HPSE2: variants seen among roughly 807,000 people sequenced by gnomAD.
The protein encoded by HPSE2 is heparanase 2 (inactive).
Under a neutral mutation model 60.5 loss-of-function variants are expected in HPSE2, and 38 were observed. That is an observed-to-expected ratio of 0.63 (90% CI 0.48 to 0.82). HPSE2 has a LOEUF of 0.82. Ranked by LOEUF, HPSE2 falls within the 40% of genes least tolerant of loss-of-function variation. The probability of loss-of-function intolerance (pLI) is 0.00; values close to 1 mark genes in which losing one functional copy is unlikely to be tolerated. For synonymous variants in HPSE2, 295 were observed against 293.2 expected, an observed-to-expected ratio of 1.01 and a Z score of -0.06; for missense variants, 713 against 740.4, an observed-to-expected ratio of 0.96 and a Z score of 0.43.
At chr10:99,093,235 A>G (rs930515520) in intron 3 of HPSE2, among the ~76,000 whole-genome samples, 2 of 152,108 alleles carry the variant, frequency 1.3e-5, no homozygotes, top group African/African-American at 4.8e-5. Context: ...TTCAAAAAAA[A>G]AAGTATCGCC....
intron 3 of HPSE2, among the ~76,000 whole-genome samples, chr10:98,983,461 A>G (rs1956256694): frequency 6.6e-6 from 1 of 152,250 alleles, no homozygotes; most frequent in South Asian, 2.1e-4. Context: ...ATCTCGGGAT[A>G]TTCCACTTTG....
At chr10:98,955,181 T>C (rs1170677539) in intron 3 of HPSE2, among the ~76,000 whole-genome samples, 3 of 151,882 alleles carry the variant, frequency 2.0e-5, no homozygotes, top group African/African-American at 7.2e-5. Context: ...ACCTACAGAA[T>C]AGGAGAAATT....
At chr10:99,025,578 T>C (rs1441715532) in intron 3 of HPSE2, among the ~76,000 whole-genome samples, 1 of 152,062 alleles carries the variant, frequency 6.6e-6, no homozygotes, top group African/African-American at 2.4e-5. Flanking sequence ...GAGGCTACAA[T>C]CCCTAGCAAA....
chr10:99,261,631 A>G, the HPSE2 span, among the ~76,000 whole-genome samples: 192 of 152,186 alleles, frequency 1.3e-3, no homozygotes, highest in African/African-American at 4.4e-3. Flanking sequence ...TTATTACCCA[A>G]TCCGCTCCTG....
intron 11 of HPSE2, among the ~76,000 whole-genome samples, chr10:98,467,430 T>C (rs1315050100): frequency 3.3e-5 from 5 of 152,110 alleles, no homozygotes; most frequent in Non-Finnish European, 5.9e-5. Context: ...TGTGCAGGTC[T>C]AGGTATGTGA....
intron 3 of HPSE2, among the ~76,000 whole-genome samples, chr10:98,862,437 T>G (rs926112602): frequency 6.6e-6 from 1 of 152,188 alleles, no homozygotes; most frequent in Non-Finnish European, 1.5e-5. Context: ...CTCTCTGATA[T>G]GTACAGTGGC....
the HPSE2 span, among the ~76,000 whole-genome samples, chr10:99,256,947 A>C: frequency 6.6e-6 from 1 of 152,202 alleles, no homozygotes; most frequent in South Asian, 2.1e-4. Flanking sequence ...AATAACGTGG[A>C]TTGTGAAGAT....
chr10:98,603,679 T>C (rs1945498767), intron 9 of HPSE2, among the ~76,000 whole-genome samples: 1 of 152,008 alleles, frequency 6.6e-6, no homozygotes, highest in African/African-American at 2.4e-5. Flanking sequence ...CTGCCCACCT[T>C]GGCCTCCCAA....
chr10:99,121,213 C>T (rs1166856437), intron 3 of HPSE2, among the ~76,000 whole-genome samples: 3 of 152,084 alleles, frequency 2.0e-5, no homozygotes, highest in African/African-American at 4.8e-5. Flanking sequence ...ATACTGCATG[C>T]TCTCACTTAC....
the HPSE2 span, among the ~76,000 whole-genome samples, chr10:99,263,288 T>C: frequency 0.88 from 133,266 of 152,154 alleles, 58,562 homozygotes; most frequent in African/African-American, 0.94. Flanking sequence ...GCTCTGCCCC[T>C]CTCCACTACC....
At chr10:98,727,090 A>T (rs1452054894) in intron 4 of HPSE2, among the ~76,000 whole-genome samples, 2 of 152,170 alleles carry the variant, frequency 1.3e-5, no homozygotes, top group East Asian at 3.8e-4. Context: ...ATGATTAAGA[A>T]ATAAAAAAAC....
chr10:98,699,974 T>C (rs1251695200), intron 5 of HPSE2, among the ~76,000 whole-genome samples: 2 of 147,738 alleles, frequency 1.4e-5, no homozygotes, highest in Non-Finnish European at 3.0e-5. Flanking sequence ...TACAAACCAC[T>C]GCTCAGTGAA....
At chr10:98,690,825 T>G (rs1322698619) in intron 6 of HPSE2, among the ~76,000 whole-genome samples, 1 of 152,210 alleles carries the variant, frequency 6.6e-6, no homozygotes, top group Non-Finnish European at 1.5e-5. Flanking sequence ...GGACCAATTA[T>G]TAAGTCATAT....
intron 2 of HPSE2, among the ~76,000 whole-genome samples, chr10:99,210,553 A>T (rs1311092762): frequency 6.6e-6 from 1 of 152,250 alleles, no homozygotes; most frequent in Non-Finnish European, 1.5e-5. Context: ...TCAACAGCAC[A>T]TTAAGAGAAT....
chr10:99,298,760 T>C, the HPSE2 span, among the ~76,000 whole-genome samples: 132,934 of 151,418 alleles, frequency 0.88, 58,583 homozygotes, highest in African/African-American at 0.94. Context: ...CTGCAACCTC[T>C]GCCTTCCGGG....
At chr10:98,733,930 T>C (rs933111473) in intron 4 of HPSE2, among the ~76,000 whole-genome samples, 13 of 152,300 alleles carry the variant, frequency 8.5e-5, no homozygotes, top group African/African-American at 3.1e-4. Flanking sequence ...TTTCACACAG[T>C]TGTGCAACCA....
At chr10:99,169,218 G>T (rs1238866534) in intron 2 of HPSE2, among the ~76,000 whole-genome samples, 4 of 131,362 alleles carry the variant, frequency 3.0e-5, no homozygotes, top group Non-Finnish European at 4.8e-5. Context: ...AAAAAGTCCT[G>T]AGCCAGGCTG....
the HPSE2 span, among the ~76,000 whole-genome samples, chr10:99,295,065 A>G: frequency 6.6e-6 from 1 of 152,250 alleles, no homozygotes; most frequent in Non-Finnish European, 1.5e-5. Context: ...ATAATCTGTT[A>G]GATGAGAAAT....
At chr10:98,981,942 C>G (rs1169758934) in intron 3 of HPSE2, among the ~76,000 whole-genome samples, 2 of 152,072 alleles carry the variant, frequency 1.3e-5, no homozygotes, top group African/African-American at 4.8e-5. Flanking sequence ...CCTTACTGGC[C>G]TCTTTTTCTT....
Sources: gnomAD v4.1 joint callset for allele counts (sites outside exome capture counted in the v4.1 genomes callset) on GRCh38, gnomAD v4.1.1 for gene constraint, MANE v1.5 for transcripts, NCBI Gene and HGNC (gene_info 2026-07-23, HGNC 2026-07-21) for gene names.